Variants in PRRC2C observed in about 807,000 individuals in gnomAD.
PRRC2C encodes the protein protein PRRC2C.
PRRC2C carries 72 observed loss-of-function variants against 317.2 expected under a neutral mutation model. The ratio of observed to expected loss-of-function variants is 0.23; its 90% CI spans 0.19 to 0.28. PRRC2C has a LOEUF of 0.28. Among genes scored for constraint, PRRC2C ranks in the 10% least tolerant of loss-of-function variants. PRRC2C has a pLI of 1.00. For synonymous variants in PRRC2C, 1,296 were observed against 1,205.9 expected, an observed-to-expected ratio of 1.07 and a Z score of -1.55; for missense variants, 3,074 against 3,459.7, an observed-to-expected ratio of 0.89 and a Z score of 2.80.
rs748538598 is a variant in PRRC2C, at chr1:171,561,031, T to C, written c.6045T>C (p.Ser2015=). Residue 2015 remains serine (S), a synonymous_variant, in exon 20 of 35, where the codon AGT becomes AGC. Transcript: ENST00000647382. The stretch of plus-strand genomic sequence containing the variant: ...TCTTCTTTCCAGTAGGTCCCATTAG[T>C]CCACCACAGCCACCTTCAGTCAGTG... ...NDISKKLGPI[S]PPQPPSVSAW... is the part of the protein sequence containing the mutation. 1.2e-5 allele frequency: 19 copies of C among 1,601,342 alleles called. No individual in the cohort carries two copies. Among genetic ancestry groups the C allele is most frequent in the Non-Finnish European group, 1.5e-5 (18 of 1,168,384 alleles).
In PRRC2C at chr1:171,589,470, G is replaced by A. The variant is rs1650868755; in HGVS notation, c.8301G>A (p.Gln2767=). 2.3e-6 allele frequency: 3 copies of A among 1,289,696 alleles called. No individual in the cohort carries two copies. 79.9% of individuals were successfully genotyped at this position (1,289,696 alleles called of 1,614,324 possible). Residue 2767 remains glutamine, a synonymous_variant, in exon 34 of 35, where the codon CAG becomes CAA. Coordinates refer to ENST00000647382, the MANE Select transcript of PRRC2C (RefSeq NM_001387844.1). ...GGCCACCAATGGCACTGGCCAGTCA[G>A]ATGCCTCCTCCGCTGACCACAGGCC... ...VQRPPMALAS[Q]MPPPLTTGLM...
At chr1:171,516,626 C>G (rs1672416919) in intron 5 of PRRC2C, among the ~76,000 whole-genome samples, 1 of 152,170 alleles carries the variant, frequency 6.6e-6, no homozygotes, top group East Asian at 1.9e-4. Flanking sequence ...ACAAATTTAG[C>G]AATGTAAAAC....
chr1:171,580,248 A>G (rs1283369221), intron 28 of PRRC2C, among the ~76,000 whole-genome samples: 1 of 152,246 alleles, frequency 6.6e-6, no homozygotes. Context: ...TAAAGAACCT[A>G]AAAGTATGTG....
At chr1:171,547,545 G>A (rs1231031846) in intron 17 of PRRC2C, among the ~76,000 whole-genome samples, 1 of 151,286 alleles carries the variant, frequency 6.6e-6, no homozygotes, top group African/African-American at 2.4e-5. Flanking sequence ...CAGAGTTAAT[G>A]ATTTTTAAAA....
rs200071125 is a variant in PRRC2C at position 171,514,523 on chromosome 1, AT to A, written c.291-4del. 5.9e-3 allele frequency: 8,701 copies of A among 1,481,784 alleles called. 23 individuals carry two copies. Among genetic ancestry groups the A allele is most frequent in the African/African-American group, 0.014 (995 of 71,202 alleles). The allele number at this position is 1,481,784 out of a possible 1,614,324, so 91.8% of individuals were successfully genotyped here. On this transcript the variant is annotated splice_polypyrimidine_tract_variant and intron_variant, in intron 3 of 34. Coordinates refer to ENST00000647382, the MANE Select transcript of PRRC2C (RefSeq NM_001387844.1). ...ACAGTATCTGAAATAATGGATTCAT[AT>A]TTTTTTTTAAGAACACCAGAAGTGC...
At chr1:171,489,774 A>G (rs1666775685) in intron 1 of PRRC2C, among the ~76,000 whole-genome samples, 1 of 152,222 alleles carries the variant, frequency 6.6e-6, no homozygotes. Context: ...CTGAGTGCCT[A>G]ACTCAACTAC....
chr1:171,537,742 G>C (rs189272717), intron 15 of PRRC2C, among the ~76,000 whole-genome samples: 11 of 152,250 alleles, frequency 7.2e-5, no homozygotes, highest in Non-Finnish European at 2.9e-5. Flanking sequence ...AACTTGCTCT[G>C]TTATTCAGGC....
In PRRC2C at chr1:171,488,174, A is replaced by G. The variant is rs535366491; in HGVS notation, c.-58+2439A>G. ...TTGTGTTTTGGATGCTATTTATGTC[A>G]TATTTGTAAATGACAAGAATTGATC... is the stretch of plus-strand genomic sequence containing the variant. On this transcript the variant is annotated intron_variant, in intron 1 of 34. Transcript: ENST00000647382. Among the ~76,000 whole-genome samples the G allele has an allele frequency of 3.7e-4, 56 of 152,328 alleles. No individual in the cohort carries two copies. The South Asian group carries it at 0.011, about 29-fold the overall frequency.
intron 1 of PRRC2C, among the ~76,000 whole-genome samples, chr1:171,502,644 T>C (rs1375496740): frequency 6.6e-6 from 1 of 152,234 alleles, no homozygotes; most frequent in Non-Finnish European, 1.5e-5. Flanking sequence ...AAAAGGCTTG[T>C]TTCTGTGTAA....
At chr1:171,558,472 C>G (rs1168229642) in intron 19 of PRRC2C, among the ~76,000 whole-genome samples, 1 of 152,018 alleles carries the variant, frequency 6.6e-6, no homozygotes, top group East Asian at 1.9e-4. Context: ...TCAAGCAAGT[C>G]TTCTGGTGTC....
At chr1:171,535,800 A>G (rs1676718486) in intron 13 of PRRC2C, among the ~76,000 whole-genome samples, 1 of 152,120 alleles carries the variant, frequency 6.6e-6, no homozygotes, top group Non-Finnish European at 1.5e-5. Context: ...ATTTATAGAC[A>G]CCATCTTCCA....
In PRRC2C at chr1:171,540,238, A is replaced by G. The variant is rs1677716388; in HGVS notation, c.2772A>G (p.Lys924=). 2 of 1,613,796 alleles carry G rather than the reference A, an allele frequency of 1.2e-6. No individual in the cohort carries two copies. Among genetic ancestry groups the G allele is most frequent in the African/African-American group, 1.3e-5 (1 of 74,904 alleles). The change falls in exon 16 of 35, where the codon AAA becomes AAG. Residue 924 remains lysine (K), a synonymous_variant. Transcript: ENST00000647382. ...ISAVESQPSR[K]RSVSHGSNHT... is the part of the protein sequence containing the mutation. Reference sequence around the variant, plus strand: ...CTGTAGAAAGTCAGCCTTCCCGGAAAAGAAGTGTTTCCCATGGATCTAACC... The same window carrying G: ...CTGTAGAAAGTCAGCCTTCCCGGAAGAGAAGTGTTTCCCATGGATCTAACC...
chr1:171,586,956 A>G, intron 30 of PRRC2C, 47 bp from the exon 31 acceptor site: 2 of 1,347,830 alleles, frequency 1.5e-6, no homozygotes, highest in Middle Eastern at 1.8e-4. Context: ...ATATGTCTGT[A>G]GTAAACAGAA....
intron 1 of PRRC2C, among the ~76,000 whole-genome samples, chr1:171,488,220 G>A (rs1666479574): frequency 6.6e-6 from 1 of 152,182 alleles, no homozygotes; most frequent in African/African-American, 2.4e-5. Flanking sequence ...TGTTACATAA[G>A]TTAGTACAGA....
At chr1:171,572,483 C>T (rs1684947492) in intron 24 of PRRC2C, among the ~76,000 whole-genome samples, 2 of 152,280 alleles carry the variant, frequency 1.3e-5, no homozygotes, top group East Asian at 1.9e-4. Context: ...ACTCATATTA[C>T]TTTTGTCCCC....
At chr1:171,522,125 T>A (rs3736679) in intron 6 of PRRC2C, 52 bp from the exon 7 acceptor site, 499,281 of 959,754 alleles carry the variant, frequency 0.52, 131,863 homozygotes, top group East Asian at 0.65. Context: ...TATAATTTTT[T>A]AAAATAACTA....
chr1:171,503,338 A>G (rs1669515336), intron 1 of PRRC2C, among the ~76,000 whole-genome samples: 1 of 152,134 alleles, frequency 6.6e-6, no homozygotes, highest in Non-Finnish European at 1.5e-5. Flanking sequence ...AGCCTAGCCA[A>G]CATGACAAAA....
At chr1:171,539,743 A>G (rs1295223667) in intron 15 of PRRC2C, among the ~76,000 whole-genome samples, 1 of 152,166 alleles carries the variant, frequency 6.6e-6, no homozygotes, top group African/African-American at 2.4e-5. Context: ...ATTCTATTGT[A>G]TGTGTATACC....
Position 171,540,972 on chromosome 1 carries a change from C to T in PRRC2C, c.3506C>T (p.Pro1169Leu). The T allele has an allele frequency of 5.0e-6, 8 of 1,613,924 alleles. No homozygotes were observed. The highest frequency in any genetic ancestry group is 2.2e-5 in the East Asian group (1 of 44,874). Residue 1169 changes from proline (P) to leucine (L), a missense_variant, in exon 16 of 35, where the codon CCC (proline) becomes CTC (leucine). Coordinates refer to ENST00000647382, the MANE Select transcript of PRRC2C (RefSeq NM_001387844.1). ...GTTAAAAAAGAATCAACTTTGCCTC[C>T]CAGGACCTATTGGAAAGAAGCTAGA... ...PAVKKESTLP[P>L]RTYWKEARER...
Sources: gnomAD v4.1 joint callset for allele counts (sites outside exome capture counted in the v4.1 genomes callset) on GRCh38, gnomAD v4.1.1 for gene constraint, MANE v1.5 for transcripts, NCBI Gene and HGNC (gene_info 2026-07-23, HGNC 2026-07-21) for gene names.